The following SBF2 variants were observed in gnomAD, a reference collection of about 807,000 sequenced individuals.
The protein encoded by SBF2 is SET binding factor 2.
Under a neutral mutation model 225.2 loss-of-function variants are expected in SBF2, and 112 were observed. The observed-to-expected ratio is 0.50, with a 90% confidence interval of 0.43 to 0.58. SBF2 has a LOEUF of 0.58. Ranked by LOEUF, SBF2 falls within the 20% of genes least tolerant of loss-of-function variation. The pLI, the probability that SBF2 is intolerant of heterozygous loss-of-function variation, is 0.00. For missense variants in SBF2, 1,996 were observed against 2,206.2 expected, an observed-to-expected ratio of 0.90 and a Z score of 1.91; for synonymous variants, 763 against 773.3, an observed-to-expected ratio of 0.99 and a Z score of 0.22.
At chr11:9,793,439 G>T (rs1010208934) in intron 33 of SBF2, among the ~76,000 whole-genome samples, 1 of 152,046 alleles carries the variant, frequency 6.6e-6, no homozygotes, top group Admixed American at 6.6e-5. Context: ...ACCCAGGCTG[G>T]AGTGCACTGG....
chr11:10,054,339 C>G (rs1950173163), intron 2 of SBF2, among the ~76,000 whole-genome samples: 1 of 152,128 alleles, frequency 6.6e-6, no homozygotes, highest in African/African-American at 2.4e-5. Context: ...CAAACATACA[C>G]AAATCAAAAG....
intron 13 of SBF2, among the ~76,000 whole-genome samples, chr11:9,979,864 C>T (rs1424345372): frequency 2.7e-5 from 4 of 147,470 alleles, no homozygotes; most frequent in Non-Finnish European, 5.9e-5. Flanking sequence ...GGCTGGAGTA[C>T]GGTGGCTCAA....
At chr11:10,175,676 C>T (rs554554717) in intron 2 of SBF2, among the ~76,000 whole-genome samples, 3 of 150,706 alleles carry the variant, frequency 2.0e-5, no homozygotes, top group Non-Finnish European at 4.4e-5. Context: ...CAGACATCTA[C>T]AGAACTCTCC....
intron 1 of SBF2, among the ~76,000 whole-genome samples, chr11:10,213,015 C>T (rs956130169): frequency 1.3e-5 from 2 of 151,278 alleles, no homozygotes; most frequent in African/African-American, 2.4e-5. Context: ...CACCACTGCA[C>T]TTCAGTTTGG....
chr11:10,272,289 A>G lies in SBF2; in HGVS notation c.55+21726T>C, dbSNP rs1227550327. On this transcript the variant is annotated intron_variant, in intron 1 of 39. Coordinates refer to ENST00000256190, the MANE Select transcript of SBF2 (RefSeq NM_030962.4). ...GCGGCGCTGGGCTCCTAGGGGCTGC[A>G]GCAATCTTGATTCTTTAGGAGAATG... 13 of 1,032,048 alleles carry G rather than the reference A, an allele frequency of 1.3e-5. 2 individuals carry two copies. Among genetic ancestry groups the G allele is most frequent in the Non-Finnish European group, 1.8e-5 (13 of 722,962 alleles). The allele number at this position is 1,032,048 out of a possible 1,614,324, so 63.9% of individuals were successfully genotyped here.
chr11:9,931,304 A>T (rs1038927390), intron 16 of SBF2, among the ~76,000 whole-genome samples: 10 of 152,230 alleles, frequency 6.6e-5, no homozygotes, highest in African/African-American at 2.4e-4. Context: ...TGCCTCCTCA[A>T]GTGGGTCCCT....
chr11:10,058,606 T>A (rs1950331956), intron 2 of SBF2, among the ~76,000 whole-genome samples: 1 of 152,176 alleles, frequency 6.6e-6, no homozygotes, highest in Admixed American at 6.5e-5. Context: ...ATGTTGTCCA[T>A]GAAAACTTCC....
intron 1 of SBF2, among the ~76,000 whole-genome samples, chr11:10,197,451 T>C (rs1016675311): frequency 1.3e-5 from 2 of 152,248 alleles, no homozygotes; most frequent in Non-Finnish European, 2.9e-5. Flanking sequence ...AAGATGTACA[T>C]GCTTTAATTT....
At chr11:10,080,507 T>C (rs1353728520) in intron 2 of SBF2, among the ~76,000 whole-genome samples, 1 of 151,360 alleles carries the variant, frequency 6.6e-6, no homozygotes, top group Non-Finnish European at 1.5e-5. Context: ...ATAAATCATA[T>C]GGCAATGTGA....
At chr11:10,147,190 T>A (rs1403655738) in intron 2 of SBF2, among the ~76,000 whole-genome samples, 3 of 152,042 alleles carry the variant, frequency 2.0e-5, no homozygotes, top group Non-Finnish European at 4.4e-5. Flanking sequence ...AGCAGAACTA[T>A]CATTTGACCC....
chr11:10,085,367 TTGAG>T (rs1454445207), intron 2 of SBF2, among the ~76,000 whole-genome samples: 2 of 152,230 alleles, frequency 1.3e-5, no homozygotes, highest in Non-Finnish European at 2.9e-5. Context: ...TGACCCCGTA[TTGAG>T]TTTCTGGTAA....
chr11:9,967,706 G>A (rs993000692), intron 14 of SBF2, among the ~76,000 whole-genome samples: 12 of 151,946 alleles, frequency 7.9e-5, no homozygotes, highest in Admixed American at 2.0e-4. Context: ...ACCTGAGGTC[G>A]GGAGTTCGAG....
chr11:10,303,817 T>G lies in SBF2; in HGVS notation n.386+675A>C, dbSNP rs1369695797. On this transcript the variant is annotated intron_variant and non_coding_transcript_variant, in intron 1 of 5. Coordinates refer to the SBF2 transcript ENST00000685217. The surrounding 1 kb of genome is among the most constrained non-coding windows in gnomAD (Gnocchi z 5.2). ...CCGTGGCTTAGCCTTTCCTTCCCAGTTTGGCCCCCAGGAGAGAAGTAAGAA... is the reference window on the plus strand; with the variant it reads ...CCGTGGCTTAGCCTTTCCTTCCCAGGTTGGCCCCCAGGAGAGAAGTAAGAA... The G allele has an allele frequency of 6.6e-6, 1 of 152,368 alleles. No homozygotes were observed. The highest frequency in any genetic ancestry group is 1.5e-5 in the Non-Finnish European group (1 of 68,162). The allele number at this position is 152,368 out of a possible 1,614,324, so 9.4% of individuals were successfully genotyped here.
intron 1 of SBF2, among the ~76,000 whole-genome samples, chr11:10,299,337 C>CAAAAA (rs5789634): frequency 2.5e-4 from 16 of 63,112 alleles, no homozygotes; most frequent in Non-Finnish European, 3.6e-4. Context: ...GAGTCCATCT[C>CAAAAA]AAAAAAAAAA....
chr11:9,976,898 T>C (rs1446400591), intron 13 of SBF2, among the ~76,000 whole-genome samples: 1 of 151,790 alleles, frequency 6.6e-6, no homozygotes, highest in Admixed American at 6.6e-5. Flanking sequence ...CCTCTCCGAG[T>C]AGCTGGGACT....
chr11:9,796,058 G>T, intron 32 of SBF2, 101 bp from the exon 33 acceptor site: 1 of 1,177,192 alleles, frequency 8.5e-7, no homozygotes, highest in African/African-American at 1.5e-5. Context: ...AGACCATTCA[G>T]TCATTCACTC....
At chr11:9,794,332 A>G (rs1380803697) in intron 33 of SBF2, among the ~76,000 whole-genome samples, 1 of 152,164 alleles carries the variant, frequency 6.6e-6, no homozygotes, top group East Asian at 1.9e-4. Flanking sequence ...CCTTTCAGTG[A>G]TAAAGCTGAG....
At chr11:9,993,789 T>C in intron 10 of SBF2, 132 bp downstream of exon 10, 1 of 900,480 alleles carries the variant, frequency 1.1e-6, no homozygotes, top group Non-Finnish European at 1.7e-6. Context: ...GCAAGTATCC[T>C]AATTTCTAAT....
chr11:10,276,451 T>C (rs936571384), intron 1 of SBF2, among the ~76,000 whole-genome samples: 2 of 152,202 alleles, frequency 1.3e-5, no homozygotes, highest in African/African-American at 4.8e-5. Context: ...TTATTACTCA[T>C]TAGTTCTCTT....
Sources: allele counts gnomAD v4.1 joint callset (sites outside exome capture counted in the v4.1 genomes callset), GRCh38; gene constraint gnomAD v4.1.1; non-coding constraint Gnocchi (gnomAD v3.1); transcripts MANE v1.5; gene names NCBI Gene and HGNC (gene_info 2026-07-23, HGNC 2026-07-21).